The following HECW2 variants were observed in gnomAD, a reference collection of about 807,000 sequenced individuals.
HECW2 encodes the protein E3 ubiquitin-protein ligase HECW2.
A neutral mutation model predicts 175.2 loss-of-function variants in HECW2; 61 were observed. The observed-to-expected ratio is 0.35, with a 90% confidence interval of 0.28 to 0.43. The LOEUF is 0.43. HECW2 is among the 20% of genes least tolerant of loss of function. The probability of loss-of-function intolerance (pLI) is 1.00; values close to 1 mark genes in which losing one functional copy is unlikely to be tolerated. For missense variants in HECW2, 1,524 were observed against 2,000.5 expected (o/e 0.76, Z 4.54); for synonymous variants, 671 against 731.0 (o/e 0.92, Z 1.32).
At chr2:196,513,036 G>A (rs1426887321) in intron 1 of HECW2, among the ~76,000 whole-genome samples, 1 of 151,828 alleles carries the variant, frequency 6.6e-6, no homozygotes, top group Non-Finnish European at 1.5e-5. Flanking sequence ...TTCAGACCAA[G>A]AAAACAAAAA....
At chr2:196,274,509 T>C (rs1689866921) in intron 15 of HECW2, among the ~76,000 whole-genome samples, 2 of 152,216 alleles carry the variant, frequency 1.3e-5, no homozygotes, top group Non-Finnish European at 2.9e-5. Context: ...CTGAGTGGTA[T>C]AAATGTTTTG....
At chr2:196,283,949 T>G (rs1490157471) in intron 14 of HECW2, among the ~76,000 whole-genome samples, 2 of 152,196 alleles carry the variant, frequency 1.3e-5, no homozygotes, top group Non-Finnish European at 2.9e-5. Flanking sequence ...TTTGAACCCA[T>G]GTTTCTGTCT....
chr2:196,329,536 C>T, intron 5 of HECW2, 39 bp downstream of exon 5: 2 of 1,530,104 alleles, frequency 1.3e-6, no homozygotes, highest in African/African-American at 1.4e-5. Flanking sequence ...CGAAACTGTA[C>T]ACTTTCAAAC....
At position 196,271,052 on chromosome 2, in the gene HECW2, G is replaced by A. The variant is rs146214932; in HGVS notation, c.3335+141C>T. 372 of 618,396 alleles carry A rather than the reference G, an allele frequency of 6.0e-4. 1 individual carries two copies. The East Asian group carries it at 9.7e-3, about 16-fold the overall frequency. 38.3% of individuals were successfully genotyped at this position (618,396 alleles called of 1,614,324 possible). A position where few individuals can be genotyped will look rare whatever the true frequency, so the allele number is the denominator to read the frequency against. Reference sequence around the variant, plus strand: ...AGCCAGCACTACAATACCTGGTGATGATGACAAAATATTTGCATACAAGAT... The same window carrying A: ...AGCCAGCACTACAATACCTGGTGATAATGACAAAATATTTGCATACAAGAT... On this transcript the variant is annotated intron_variant, in intron 17 of 28. Coordinates refer to ENST00000644978, the MANE Select transcript of HECW2 (RefSeq NM_001348768.2).
At position 196,307,186 on chromosome 2, in the gene HECW2, T is replaced by G; in HGVS notation, c.2633A>C (p.Asn878Thr). Reference protein sequence around the residue: ...RTMTNERPEENTNAIDGAGEE... With the variant: ...RTMTNERPEETTNAIDGAGEE... Reference sequence around the variant, plus strand: ...CCCTGCCCCATCAATAGCATTGGTATTTTCCTCAGGCCTCTCATTGGTCAT... The same window carrying G: ...CCCTGCCCCATCAATAGCATTGGTAGTTTCCTCAGGCCTCTCATTGGTCAT... The change falls in exon 12 of 29, where the codon AAT becomes ACT. Residue 878 changes from asparagine (N) to threonine (T), a missense_variant. Coordinates refer to ENST00000644978, the MANE Select transcript of HECW2 (RefSeq NM_001348768.2). The G allele has an allele frequency of 1.2e-6, 2 of 1,613,986 alleles. No individual in the cohort carries two copies. Among genetic ancestry groups the G allele is most frequent in the South Asian group, 1.1e-5 (1 of 91,078 alleles).
At chr2:196,500,663 C>A (rs1687549054) in intron 1 of HECW2, among the ~76,000 whole-genome samples, 2 of 152,170 alleles carry the variant, frequency 1.3e-5, no homozygotes, top group Admixed American at 1.3e-4. Context: ...CGTTGAATAA[C>A]CTATGCATTA....
chr2:196,347,708 C>T (rs1693009138), intron 2 of HECW2, among the ~76,000 whole-genome samples: 1 of 152,210 alleles, frequency 6.6e-6, no homozygotes, highest in African/African-American at 2.4e-5. Context: ...AGTTCAAATG[C>T]CATGGCCAGT....
intron 1 of HECW2, among the ~76,000 whole-genome samples, chr2:196,526,903 A>C (rs1322139068): frequency 6.6e-6 from 1 of 152,004 alleles, no homozygotes; most frequent in Non-Finnish European, 1.5e-5. Context: ...GGGACACTTA[A>C]GTCTGCAGAG....
intron 17 of HECW2, chr2:196,263,022 C>CCT (rs1553486558): frequency 2.0e-5 from 3 of 149,528 alleles, no homozygotes; most frequent in Non-Finnish European, 1.5e-5. Context: ...ATCTTGCTAT[C>CCT]TTTTTTTTTT....
rs540209843 is a variant in HECW2 at position 196,459,462 on chromosome 2, C to T, written c.-35-26004G>A. Among the ~76,000 whole-genome samples, 28 of 151,588 alleles carry T rather than the reference C, an allele frequency of 1.8e-4. No homozygotes were observed. In the South Asian group the frequency reaches 2.7e-3, roughly 15 times the overall value. On this transcript the variant is annotated intron_variant, in intron 1 of 28. Coordinates refer to ENST00000644978, the MANE Select transcript of HECW2 (RefSeq NM_001348768.2). ...AAAAAATAAAGATGAAATCCTAAGC[C>T]CCCCCAACCTACTGAACAGACCCCC... is the stretch of plus-strand genomic sequence containing the variant.
At chr2:196,258,211 T>C (rs1041598539) in intron 17 of HECW2, 2 of 282,686 alleles carry the variant, frequency 7.1e-6, no homozygotes, top group Admixed American at 4.8e-5. Context: ...AAAATCAGTG[T>C]CTGCTTTGAG....
At chr2:196,316,510 A>G (rs1319618654) in intron 10 of HECW2, 1 of 152,164 alleles carries the variant, frequency 6.6e-6, no homozygotes, top group Non-Finnish European at 1.5e-5. Context: ...TTTTTAAAGC[A>G]ATGTTTACCA....
intron 1 of HECW2, among the ~76,000 whole-genome samples, chr2:196,571,467 C>T (rs1185196305): frequency 1.3e-5 from 2 of 151,996 alleles, no homozygotes; most frequent in African/African-American, 2.4e-5. Context: ...CCAGCACTTT[C>T]GGAGGCCAAG....
intron 5 of HECW2, among the ~76,000 whole-genome samples, chr2:196,328,147 G>T (rs1692224297): frequency 6.6e-6 from 1 of 152,040 alleles, no homozygotes. Flanking sequence ...AGCTATCAGG[G>T]TCGACAAATT....
intron 14 of HECW2, among the ~76,000 whole-genome samples, chr2:196,285,514 T>C (rs1690352149): frequency 6.7e-6 from 1 of 148,160 alleles, no homozygotes; most frequent in African/African-American, 2.5e-5. Flanking sequence ...CTACAAAGTC[T>C]TGGAAGTGCT....
chr2:196,308,608 A>T (rs1463329628), intron 10 of HECW2, among the ~76,000 whole-genome samples: 1 of 152,256 alleles, frequency 6.6e-6, no homozygotes, highest in African/African-American at 2.4e-5. Flanking sequence ...AAACAGTATC[A>T]TTATCTACAA....
chr2:196,320,042 C>CA, intron 8 of HECW2, 138 bp from the exon 9 acceptor site: 1 of 845,588 alleles, frequency 1.2e-6, no homozygotes, highest in Non-Finnish European at 1.8e-6. Context: ...TAAGATTCAC[C>CA]ACTCACTACT....
chr2:196,346,367 G>A (rs1191771274), intron 2 of HECW2, among the ~76,000 whole-genome samples: 3 of 152,166 alleles, frequency 2.0e-5, no homozygotes, highest in East Asian at 1.9e-4. Flanking sequence ...CCTGGACAGA[G>A]GAGATCCTGA....
At chr2:196,207,612 GTCATGTT>G (rs1307806430) in intron 28 of HECW2, among the ~76,000 whole-genome samples, 1 of 152,130 alleles carries the variant, frequency 6.6e-6, no homozygotes, top group Non-Finnish European at 1.5e-5. Flanking sequence ...CTACTCATTG[GTCATGTT>G]CCATTTTGGG....
Sources: gnomAD v4.1 joint callset for allele counts (sites outside exome capture counted in the v4.1 genomes callset) on GRCh38, gnomAD v4.1.1 for gene constraint, MANE v1.5 for transcripts, NCBI Gene and HGNC (gene_info 2026-07-23, HGNC 2026-07-21) for gene names.